The following ANKRD31 variants were observed in gnomAD, a reference collection of about 807,000 sequenced individuals.
ANKRD31 encodes the protein ankyrin repeat domain 31.
A neutral mutation model predicts 186.0 loss-of-function variants in ANKRD31; 147 were observed. That is an observed-to-expected ratio of 0.79 (90% CI 0.69 to 0.91). ANKRD31 has a LOEUF of 0.91. Among genes scored for constraint, ANKRD31 ranks in the 40% least tolerant of loss-of-function variants. The probability of loss-of-function intolerance (pLI) is 0.00; values close to 1 mark genes in which losing one functional copy is unlikely to be tolerated. For missense variants in ANKRD31, 1,986 were observed against 2,148.8 expected (o/e 0.92, Z 1.50); for synonymous variants, 673 against 736.4 (o/e 0.91, Z 1.39).
At chr5:75,156,460 C>T (rs1752182335) in intron 11 of ANKRD31, among the ~76,000 whole-genome samples, 2 of 152,200 alleles carry the variant, frequency 1.3e-5, no homozygotes, top group Admixed American at 6.5e-5. Context: ...AGTTCCTCCG[C>T]ACTTATCGTG....
rs1209311705 is a variant in ANKRD31, at chr5:75,147,298, AT to A, written c.2112del (p.Tyr705ThrfsTer24). Reference protein sequence around the residue: ...SKHKQSTLDQIYSTGLRKGNL... With the variant: ...SKHKQSTLDQXYSTGLRKGNL... The stretch of plus-strand genomic sequence containing the variant: ...TTGCCCTTTCTGAGTCCTGTAGAGT[AT>A]ATCTGGTCAAGAGTTGATTGTTTAT... On this transcript the variant is annotated frameshift_variant, in exon 14 of 26. Coordinates refer to ENST00000506364, the MANE Select transcript of ANKRD31 (RefSeq NM_001372053.1). LOFTEE classifies it high-confidence loss of function. The A allele has an allele frequency of 2.0e-6, 3 of 1,535,054 alleles. No homozygotes were observed. The highest frequency in any genetic ancestry group is 2.6e-6 in the Non-Finnish European group (3 of 1,145,968).
intron 22 of ANKRD31, among the ~76,000 whole-genome samples, chr5:75,096,878 T>C (rs973615268): frequency 1.7e-4 from 26 of 150,998 alleles, no homozygotes; most frequent in Non-Finnish European, 2.8e-4. Flanking sequence ...TTCTCACTGT[T>C]CAATTCCCAC....
chr5:75,198,785 G>A (rs1018776953), intron 6 of ANKRD31, among the ~76,000 whole-genome samples: 2 of 152,150 alleles, frequency 1.3e-5, no homozygotes, highest in African/African-American at 4.8e-5. Context: ...GCACCAACTA[G>A]GTGCCAGACA....
intron 3 of ANKRD31, among the ~76,000 whole-genome samples, chr5:75,218,552 T>C (rs1453673934): frequency 6.6e-6 from 1 of 152,060 alleles, no homozygotes; most frequent in Non-Finnish European, 1.5e-5. Flanking sequence ...CTGAAGTTAT[T>C]ACAAAAAATT....
At position 75,148,620 on chromosome 5, in the gene ANKRD31, T is replaced by C. The variant is rs1386357139; in HGVS notation, c.1861A>G (p.Ser621Gly). The C allele has an allele frequency of 3.0e-5, 46 of 1,522,496 alleles. No homozygotes were observed. The highest frequency in any genetic ancestry group is 4.0e-5 in the Non-Finnish European group (46 of 1,139,084). The allele number at this position is 1,522,496 out of a possible 1,614,324, so 94.3% of individuals were successfully genotyped here. A position where few individuals can be genotyped will look rare whatever the true frequency, so the allele number is the denominator to read the frequency against. The change falls in exon 13 of 26, where the codon AGT (serine) becomes GGT (glycine). Residue 621 changes from serine to glycine, a missense_variant. By Grantham distance (56) the Ser-to-Gly change is moderately conservative. Coordinates refer to ENST00000506364, the MANE Select transcript of ANKRD31 (RefSeq NM_001372053.1). The part of the protein sequence containing the change: ...HQKCLTSAQR[S>G]SIDPLDIEDV... Reference sequence around the variant, plus strand: ...TCTATGTCTAGTGGGTCAATGCTACTCCTTTGAGCTGTAAACAAAAAGAGA... The same window carrying C: ...TCTATGTCTAGTGGGTCAATGCTACCCCTTTGAGCTGTAAACAAAAAGAGA...
chr5:75,224,829 A>G (rs1032880452), intron 2 of ANKRD31, among the ~76,000 whole-genome samples: 1 of 152,162 alleles, frequency 6.6e-6, no homozygotes, highest in African/African-American at 2.4e-5. Context: ...TGCAAAATAT[A>G]TCATGAATAA....
chr5:75,216,929 C>T (rs1013939999), intron 3 of ANKRD31, among the ~76,000 whole-genome samples: 3 of 152,086 alleles, frequency 2.0e-5, no homozygotes, highest in Admixed American at 1.3e-4. Flanking sequence ...TGTGTCTTTG[C>T]TCTCATTAAT....
intron 2 of ANKRD31, among the ~76,000 whole-genome samples, chr5:75,228,963 G>T (rs1380599570): frequency 1.3e-5 from 2 of 152,172 alleles, no homozygotes; most frequent in Non-Finnish European, 2.9e-5. Context: ...ACAGTGAAAA[G>T]ACTGTGAACC....
In ANKRD31 at chr5:75,177,774, A is replaced by G. The variant is rs187878860; in HGVS notation, c.1565-8653T>C. On this transcript the variant is annotated intron_variant, in intron 10 of 25. Transcript: ENST00000506364. ...GGAACAACTGGTACCAGCCACTACA[A>G]AAACATGCCAAATTGTAAAGACCGT... Among the ~76,000 whole-genome samples, 10 of 152,314 alleles carry G rather than the reference A, an allele frequency of 6.6e-5. No individual in the cohort carries two copies. The East Asian group carries it at 1.7e-3, about 26-fold the overall frequency.
chr5:75,075,766 C>A (rs1428396613), intron 25 of ANKRD31, among the ~76,000 whole-genome samples: 1 of 152,102 alleles, frequency 6.6e-6, no homozygotes, highest in Non-Finnish European at 1.5e-5. Context: ...TTAGCTCTGA[C>A]AGTAATGTTG....
At chr5:75,094,500 C>A (rs1018378799) in intron 22 of ANKRD31, among the ~76,000 whole-genome samples, 1 of 151,904 alleles carries the variant, frequency 6.6e-6, no homozygotes, top group Admixed American at 6.6e-5. Flanking sequence ...TATGTTGAGT[C>A]CTAGAGCAGC....
chr5:75,074,607 A>G (rs1260904801), intron 25 of ANKRD31, among the ~76,000 whole-genome samples: 1 of 152,100 alleles, frequency 6.6e-6, no homozygotes, highest in Non-Finnish European at 1.5e-5. Flanking sequence ...GCTAATCCCC[A>G]TTTAAGTAAA....
chr5:75,135,278 G>T (rs913634915), intron 17 of ANKRD31, among the ~76,000 whole-genome samples: 1 of 152,192 alleles, frequency 6.6e-6, no homozygotes, highest in Admixed American at 6.5e-5. Flanking sequence ...CATCGTCTCA[G>T]CCCAAAATCT....
intron 7 of ANKRD31, 137 bp downstream of exon 7, chr5:75,195,494 T>G (rs1159284486): frequency 7.2e-6 from 5 of 692,032 alleles, no homozygotes; most frequent in Non-Finnish European, 1.2e-5. Context: ...CAATGAAAAC[T>G]TGTTGAAGTT....
At chr5:75,118,086 A>G in intron 18 of ANKRD31, 49 bp downstream of exon 18, 3 of 1,263,084 alleles carry the variant, frequency 2.4e-6, no homozygotes, top group East Asian at 3.0e-5. Flanking sequence ...GATTTTCCTA[A>G]GCAGAGATAT....
At chr5:75,069,017 C>T (rs574742600) in intron 25 of ANKRD31, among the ~76,000 whole-genome samples, 3 of 152,144 alleles carry the variant, frequency 2.0e-5, no homozygotes, top group South Asian at 4.2e-4. Flanking sequence ...CTTAGCATAC[C>T]GCCGGGCATA....
chr5:75,112,236 G>A (rs953410910), intron 20 of ANKRD31, among the ~76,000 whole-genome samples: 26 of 152,018 alleles, frequency 1.7e-4, no homozygotes, highest in African/African-American at 5.3e-4. Context: ...CACTACAAGC[G>A]CCCGCCAGCA....
In ANKRD31 at chr5:75,068,612, T is replaced by C; in HGVS notation, c.5700A>G (p.Glu1900=). ...QSSPRYLQIN[E]ILLISDQEFL... ...ATTCTTGATCACTGATTAATAGTAT[T>C]TCATTTATTTGTAGATAACGTGGGC... is the stretch of plus-strand genomic sequence containing the variant. Residue 1900 remains glutamate (E), a synonymous_variant, in exon 26 of 26, where the codon GAA becomes GAG. Coordinates refer to ENST00000506364, the MANE Select transcript of ANKRD31 (RefSeq NM_001372053.1). 1 of 1,524,086 alleles carries C rather than the reference T, an allele frequency of 6.6e-7. No individual in the cohort carries two copies. Among genetic ancestry groups the C allele is most frequent in the African/African-American group, 1.4e-5 (1 of 72,668 alleles). 94.4% of individuals were successfully genotyped at this position (1,524,086 alleles called of 1,614,324 possible).
chr5:75,112,742 C>A, intron 19 of ANKRD31, 142 bp from the exon 20 acceptor site: 1 of 500,626 alleles, frequency 2.0e-6, no homozygotes. Flanking sequence ...AAAATGTACT[C>A]ATACGTTGTA....
Sources: allele counts gnomAD v4.1 joint callset (sites outside exome capture counted in the v4.1 genomes callset), GRCh38; gene constraint gnomAD v4.1.1; transcripts MANE v1.5; gene names NCBI Gene and HGNC (gene_info 2026-07-23, HGNC 2026-07-21).